The following KIRREL3 variants were observed in gnomAD, a reference collection of about 807,000 sequenced individuals.
KIRREL3 encodes kin of IRRE-like protein 3.
Under a neutral mutation model 89.7 loss-of-function variants are expected in KIRREL3, and 36 were observed. The observed-to-expected ratio is 0.40, with a 90% confidence interval of 0.31 to 0.53. The LOEUF (loss-of-function observed/expected upper bound fraction) is 0.53. Ranked by LOEUF, KIRREL3 falls within the 20% of genes least tolerant of loss-of-function variation. The probability of loss-of-function intolerance (pLI) is 0.49; values close to 1 mark genes in which losing one functional copy is unlikely to be tolerated. For missense variants in KIRREL3, 864 were observed against 1,056.6 expected (o/e 0.82, Z 2.53); for synonymous variants, 445 against 441.4 (o/e 1.01, Z -0.10).
chr11:126,524,913 T>C (rs1958701989), intron 3 of KIRREL3, among the ~76,000 whole-genome samples: 1 of 152,168 alleles, frequency 6.6e-6, no homozygotes, highest in Admixed American at 6.5e-5. Context: ...GATGCTATTT[T>C]TGGGACAAGT....
chr11:126,926,539 C>G (rs1049369249), intron 1 of KIRREL3, among the ~76,000 whole-genome samples: 1 of 152,168 alleles, frequency 6.6e-6, no homozygotes, highest in Non-Finnish European at 1.5e-5. Flanking sequence ...GGTGACTCGG[C>G]TGGGCTTCTG....
rs1010644528 is a variant in KIRREL3 at position 126,872,191 on chromosome 11, A to G, written c.55+128264T>C. Reference sequence around the variant, plus strand: ...TTACTGCTCATTAACATAAAAAGATACTTCTAGTAGTGTCATGACACTTTA... The same window carrying G: ...TTACTGCTCATTAACATAAAAAGATGCTTCTAGTAGTGTCATGACACTTTA... On this transcript the variant is annotated intron_variant, in intron 1 of 16. Transcript: ENST00000525144. This position sits in a 1 kb window ranked among gnomAD's most constrained non-coding sequence, Gnocchi z 4.2. Among the ~76,000 whole-genome samples the G allele has an allele frequency of 2.6e-5, 4 of 152,210 alleles. No homozygotes were observed. The highest frequency in any genetic ancestry group is 2.6e-4 in the Admixed American group (4 of 15,288).
At chr11:126,632,259 G>C (rs947302573) in intron 1 of KIRREL3, among the ~76,000 whole-genome samples, 1 of 152,204 alleles carries the variant, frequency 6.6e-6, no homozygotes, top group Non-Finnish European at 1.5e-5. Context: ...CTTCTTCTGG[G>C]CTGCAGAAAC....
At chr11:126,866,501 G>A (rs1014230362) in intron 1 of KIRREL3, among the ~76,000 whole-genome samples, 4 of 152,182 alleles carry the variant, frequency 2.6e-5, no homozygotes, top group South Asian at 2.1e-4. Flanking sequence ...GAGGGGGGCC[G>A]GGAAGTGCAG....
rs550941989 is a variant in KIRREL3 at position 126,924,643 on chromosome 11, A to G, written c.55+75812T>C. Among the ~76,000 whole-genome samples the G allele has an allele frequency of 6.6e-6, 1 of 152,232 alleles. No individual in the cohort carries two copies. Among genetic ancestry groups the G allele is most frequent in the South Asian group, 2.1e-4 (1 of 4,814 alleles). ...CAGGGCTGTTGGGGGATTTGGAAGA[A>G]GTGTTAAAGAAAAAGGAGCAGCTTT... On this transcript the variant is annotated intron_variant, in intron 1 of 16. Transcript: ENST00000525144. This position sits in a 1 kb window ranked among gnomAD's most constrained non-coding sequence, Gnocchi z 4.7.
At chr11:126,438,492 C>T (rs534261240) in intron 11 of KIRREL3, among the ~76,000 whole-genome samples, 35 of 152,336 alleles carry the variant, frequency 2.3e-4, no homozygotes, top group Non-Finnish European at 3.8e-4. Context: ...TCTACACACC[C>T]GGTGCCAGGA....
intron 1 of KIRREL3, among the ~76,000 whole-genome samples, chr11:126,951,534 G>T (rs1312697007): frequency 6.6e-6 from 1 of 152,146 alleles, no homozygotes. Flanking sequence ...GTTGTATTCT[G>T]CTTAGGAATG....
chr11:126,922,170 T>TCTAC (rs1947376594), intron 1 of KIRREL3, among the ~76,000 whole-genome samples: 1 of 149,628 alleles, frequency 6.7e-6, no homozygotes, highest in Non-Finnish European at 1.5e-5. Context: ...TATCTATCTA[T>TCTAC]CTATCTCTAT....
chr11:126,647,487 A>C lies in KIRREL3; in HGVS notation c.56-84575T>G, dbSNP rs936921018. Among the ~76,000 whole-genome samples the C allele has an allele frequency of 7.9e-5, 12 of 152,124 alleles. No individual in the cohort carries two copies. Among genetic ancestry groups the C allele is most frequent in the African/African-American group, 2.7e-4 (11 of 41,400 alleles). Reference sequence around the variant, plus strand: ...TTATTTGAATACTTCATTTATGCATACGTTTACTCCTTTCATTCAGCAAAC... The same window carrying C: ...TTATTTGAATACTTCATTTATGCATCCGTTTACTCCTTTCATTCAGCAAAC... On this transcript the variant is annotated intron_variant, in intron 1 of 16. Transcript: ENST00000525144. The surrounding 1 kb of genome is among the most constrained non-coding windows in gnomAD (Gnocchi z 4.9).
chr11:126,665,514 G>A (rs1945621267), intron 1 of KIRREL3, among the ~76,000 whole-genome samples: 1 of 152,066 alleles, frequency 6.6e-6, no homozygotes, highest in African/African-American at 2.4e-5. Flanking sequence ...CATGAGGGTG[G>A]AGCCCTCATG....
chr11:126,853,111 T>C (rs1420829082), intron 1 of KIRREL3, among the ~76,000 whole-genome samples: 2 of 152,190 alleles, frequency 1.3e-5, no homozygotes, highest in South Asian at 2.1e-4. Context: ...ACTTCCTTTT[T>C]CCAAATGCTA....
chr11:126,714,348 T>C (rs1253351806), intron 1 of KIRREL3, among the ~76,000 whole-genome samples: 1 of 152,200 alleles, frequency 6.6e-6, no homozygotes, highest in Non-Finnish European at 1.5e-5. Flanking sequence ...GGGGAGCGTG[T>C]GGCCCAGGCC....
At position 126,523,084 on chromosome 11, in the gene KIRREL3, G is replaced by A. The variant is rs1958646032; in HGVS notation, c.284-1620C>T. Among the ~76,000 whole-genome samples, 1 of 152,216 alleles carries A rather than the reference G, an allele frequency of 6.6e-6. No individual in the cohort carries two copies. Among genetic ancestry groups the A allele is most frequent in the Non-Finnish European group, 1.5e-5 (1 of 68,030 alleles). On this transcript the variant is annotated intron_variant, in intron 3 of 16. Transcript: ENST00000525144. The surrounding 1 kb of genome is among the most constrained non-coding windows in gnomAD (Gnocchi z 4.9). ...GCATGTTCCTGAGCTCCCAAGGGCA[G>A]CACCAGCACCAACAGGCAGAATTCA...
rs1459233708 is a variant in KIRREL3, at chr11:126,537,857, C to A, written c.134-11170G>T. 1.3e-5 allele frequency among the ~76,000 whole-genome samples: 2 copies of A among 152,274 alleles called. No homozygotes were observed. The highest frequency in any genetic ancestry group is 1.3e-4 in the Admixed American group (2 of 15,292). ...CCACAAGTCTTTCCTGAGCTTGGGA[C>A]TGTTAAAACAGGAGCCAGAGGAGCA... On this transcript the variant is annotated intron_variant, in intron 2 of 16. Coordinates refer to ENST00000525144, the MANE Select transcript of KIRREL3 (RefSeq NM_032531.4). This position sits in a 1 kb window ranked among gnomAD's most constrained non-coding sequence, Gnocchi z 4.3.
chr11:126,836,657 G>A (rs1432122238), intron 1 of KIRREL3, among the ~76,000 whole-genome samples: 1 of 152,210 alleles, frequency 6.6e-6, no homozygotes, highest in African/African-American at 2.4e-5. Flanking sequence ...AAGAGAAAAT[G>A]TTGAGAATTT....
chr11:126,621,644 A>G (rs570502246), intron 1 of KIRREL3, among the ~76,000 whole-genome samples: 10 of 152,318 alleles, frequency 6.6e-5, no homozygotes, highest in African/African-American at 2.4e-4. Flanking sequence ...TAATACCACG[A>G]AACTATAAAA....
Position 126,750,730 on chromosome 11 carries a change from A to T in KIRREL3, c.56-187818T>A, listed in dbSNP as rs1408511315. 6.6e-6 allele frequency among the ~76,000 whole-genome samples: 1 copy of T among 152,208 alleles called. No individual in the cohort carries two copies. Among genetic ancestry groups the T allele is most frequent in the African/African-American group, 2.4e-5 (1 of 41,454 alleles). On this transcript the variant is annotated intron_variant, in intron 1 of 16. Coordinates refer to ENST00000525144, the MANE Select transcript of KIRREL3 (RefSeq NM_032531.4). This position sits in a 1 kb window ranked among gnomAD's most constrained non-coding sequence, Gnocchi z 4.2. ...AAGTAGGTATAATGTTTATTATTTT[A>T]TAGGTAAGGAAGCTGAGACCTAGCT...
chr11:126,451,278 A>G (rs374835187), intron 7 of KIRREL3, among the ~76,000 whole-genome samples: 14 of 117,398 alleles, frequency 1.2e-4, no homozygotes, highest in South Asian at 2.9e-4. Flanking sequence ...GTCCGTGTGC[A>G]TGTGTGCGTG....
chr11:126,528,329 A>G lies in KIRREL3; in HGVS notation c.134-1642T>C, dbSNP rs1241309794. On this transcript the variant is annotated intron_variant, in intron 2 of 16. Transcript: ENST00000525144. This position sits in a 1 kb window ranked among gnomAD's most constrained non-coding sequence, Gnocchi z 4.6. The stretch of plus-strand genomic sequence containing the variant: ...GCCCCAGGCTTGGGCCACACCTAGG[A>G]CTGAGCTCTCAGCAACAGATGACCC... Among the ~76,000 whole-genome samples, 1 of 152,176 alleles carries G rather than the reference A, an allele frequency of 6.6e-6. No homozygotes were observed. Among genetic ancestry groups the G allele is most frequent in the Non-Finnish European group, 1.5e-5 (1 of 68,034 alleles).
Sources: allele counts gnomAD v4.1 joint callset (sites outside exome capture counted in the v4.1 genomes callset), GRCh38; gene constraint gnomAD v4.1.1; non-coding constraint Gnocchi (gnomAD v3.1); transcripts MANE v1.5; gene names NCBI Gene and HGNC (gene_info 2026-07-23, HGNC 2026-07-21).